The following MYRIP variants were observed in gnomAD, a reference collection of about 807,000 sequenced individuals.
MYRIP encodes rab effector MyRIP.
In MYRIP, 49 loss-of-function variants were observed where a neutral mutation model predicts 98.0. The observed-to-expected ratio is 0.50, with a 90% CI of 0.40 to 0.63. MYRIP has a LOEUF of 0.63. Among genes scored for constraint, MYRIP ranks in the 30% least tolerant of loss-of-function variants. The pLI, the probability that MYRIP is intolerant of heterozygous loss-of-function variation, is 0.00. For synonymous variants in MYRIP, 404 were observed against 409.5 expected, an observed-to-expected ratio of 0.99 and a Z score of 0.16; for missense variants, 1,004 against 1,058.2, an observed-to-expected ratio of 0.95 and a Z score of 0.71.
intron 1 of MYRIP, among the ~76,000 whole-genome samples, chr3:39,850,302 C>T (rs925767980): frequency 1.3e-5 from 2 of 152,216 alleles, no homozygotes; most frequent in African/African-American, 2.4e-5. Context: ...CCCATTCTCC[C>T]GGTAGCCATT....
chr3:39,949,052 G>A (rs1407314489), intron 2 of MYRIP, among the ~76,000 whole-genome samples: 1 of 152,142 alleles, frequency 6.6e-6, no homozygotes, highest in Non-Finnish European at 1.5e-5. Flanking sequence ...GATCATGAAG[G>A]AAGCATGTCA....
At chr3:40,014,261 T>C (rs1946816751) in intron 2 of MYRIP, among the ~76,000 whole-genome samples, 1 of 152,242 alleles carries the variant, frequency 6.6e-6, no homozygotes, top group South Asian at 2.1e-4. Context: ...TCCTTTGGTA[T>C]AATTTATTTG....
intron 3 of MYRIP, among the ~76,000 whole-genome samples, chr3:40,061,671 C>T (rs975560637): frequency 2.0e-5 from 3 of 152,198 alleles, no homozygotes; most frequent in African/African-American, 4.8e-5. Flanking sequence ...CTGCTTTCCA[C>T]GATGACTGAA....
chr3:40,064,557 G>A lies in MYRIP; in HGVS notation c.332+20286G>A, dbSNP rs541530974. On this transcript the variant is annotated intron_variant, in intron 3 of 16. Transcript: ENST00000302541. ...TCCAGGGGGTAATTAGGGGGAAAATGTCTGAAAAGGCAACAATGTAAAACA... is the reference window on the plus strand; with the variant it reads ...TCCAGGGGGTAATTAGGGGGAAAATATCTGAAAAGGCAACAATGTAAAACA... 2.0e-5 allele frequency among the ~76,000 whole-genome samples: 3 copies of A among 152,312 alleles called. No homozygotes were observed. In the South Asian group the frequency reaches 6.2e-4, roughly 32 times the overall value.
intron 12 of MYRIP, 73 bp downstream of exon 12, chr3:40,234,126 C>T: frequency 1.4e-6 from 2 of 1,456,128 alleles, no homozygotes; most frequent in Non-Finnish European, 9.2e-7. Flanking sequence ...TGTAGCTTAT[C>T]GTGAAGAGTG....
chr3:40,151,059 C>T lies in MYRIP; in HGVS notation c.344C>T (p.Ala115Val), dbSNP rs759373269. The change falls in exon 4 of 17, where the codon GCC (alanine) becomes GTC (valine). Residue 115 changes from alanine to valine, a missense_variant. Physicochemically the swap from Ala to Val is moderately conservative, Grantham distance 64 (BLOSUM62 0). This residue lies in a region of MYRIP where 880 missense variants were observed against 907.7 expected (regional missense o/e 0.97). Transcript: ENST00000302541. ...CVCQQARLLR[A>V]QSLEWFYNNV... The stretch of plus-strand genomic sequence containing the variant: ...TCTGTTTTCCTCAGGCTTCTGAGGG[C>T]CCAATCTCTGGAATGGTTCTACAAT... 7.5e-6 allele frequency: 12 copies of T among 1,589,516 alleles called. No homozygotes were observed. Among genetic ancestry groups the T allele is most frequent in the Non-Finnish European group, 9.4e-6 (11 of 1,166,428 alleles).
chr3:40,218,612 TTATA>T lies in MYRIP; in HGVS notation c.1905+8560_1905+8563del, dbSNP rs751894190. Among the ~76,000 whole-genome samples the T allele has an allele frequency of 5.8e-3, 79 of 13,552 alleles. 1 individual carries two copies. The highest frequency in any genetic ancestry group is 0.026 in the East Asian group (5 of 190). 8.9% of individuals were successfully genotyped at this position (13,552 alleles called of 152,430 possible). ...ACACACACACACATATATATATATT[TTATA>T]TATATATATATATATATATATATAT... On this transcript the variant is annotated intron_variant, in intron 11 of 16. Coordinates refer to ENST00000302541, the MANE Select transcript of MYRIP (RefSeq NM_015460.4).
chr3:40,159,380 G>A (rs1950324308), intron 4 of MYRIP, among the ~76,000 whole-genome samples: 1 of 152,192 alleles, frequency 6.6e-6, no homozygotes, highest in Non-Finnish European at 1.5e-5. Flanking sequence ...AGTCTGATGG[G>A]CTTCCCTTTG....
Position 40,233,914 on chromosome 3 carries a change from A to C in MYRIP, c.1961A>C (p.Asn654Thr). ...NISTEVLKVINATEELIAGST... is the reference protein window; with the variant it reads ...NISTEVLKVITATEELIAGST... The stretch of plus-strand genomic sequence containing the variant: ...TCCACAGAAGTCCTGAAAGTCATCA[A>C]TGCCACAGAGGAGTTGATAGCAGGA... The change falls in exon 12 of 17, where the codon AAT becomes ACT. Residue 654 changes from asparagine to threonine, a missense_variant. Physicochemically the swap from Asn to Thr is moderately conservative, Grantham distance 65. Coordinates refer to ENST00000302541, the MANE Select transcript of MYRIP (RefSeq NM_015460.4). The C allele has an allele frequency of 6.2e-7, 1 of 1,613,528 alleles. No homozygotes were observed. Among genetic ancestry groups the C allele is most frequent in the Non-Finnish European group, 8.5e-7 (1 of 1,179,830 alleles).
intron 12 of MYRIP, among the ~76,000 whole-genome samples, chr3:40,240,313 T>C (rs188089021): frequency 6.6e-6 from 1 of 152,336 alleles, no homozygotes; most frequent in African/African-American, 2.4e-5. Flanking sequence ...TACTGTAGCC[T>C]TGGGTCTACA....
intron 3 of MYRIP, among the ~76,000 whole-genome samples, chr3:40,060,602 A>AGATT (rs1273800930): frequency 1.3e-5 from 2 of 151,004 alleles, no homozygotes; most frequent in African/African-American, 4.9e-5. Flanking sequence ...TTTTTGAGAG[A>AGATT]GAGAGAGAGA....
At chr3:40,043,974 A>C in intron 2 of MYRIP, 76 bp from the exon 3 acceptor site, 2 of 1,395,440 alleles carry the variant, frequency 1.4e-6, no homozygotes, top group Non-Finnish European at 9.9e-7. Context: ...GACAGGGTGC[A>C]TGCTTTGGGG....
chr3:39,838,022 T>C (rs1166684088), intron 1 of MYRIP, among the ~76,000 whole-genome samples: 1 of 152,136 alleles, frequency 6.6e-6, no homozygotes, highest in African/African-American at 2.4e-5. Flanking sequence ...CTGTCTACTA[T>C]TGGTGTATAG....
chr3:40,157,859 T>C (rs1950280122), intron 4 of MYRIP, among the ~76,000 whole-genome samples: 1 of 151,940 alleles, frequency 6.6e-6, no homozygotes, highest in African/African-American at 2.4e-5. Context: ...TATCATTTTT[T>C]ATTGCGTCTA....
At chr3:40,020,740 G>A (rs376113881) in intron 2 of MYRIP, among the ~76,000 whole-genome samples, 3 of 152,128 alleles carry the variant, frequency 2.0e-5, no homozygotes, top group South Asian at 4.2e-4. Flanking sequence ...ACTTTTCTTG[G>A]CCCCCCTGAT....
chr3:39,877,024 G>A (rs1943017589), intron 1 of MYRIP, among the ~76,000 whole-genome samples: 1 of 152,092 alleles, frequency 6.6e-6, no homozygotes, highest in Admixed American at 6.5e-5. Flanking sequence ...CATATTTCTT[G>A]GAGGCTTTGC....
chr3:40,221,411 G>A (rs532828261), intron 11 of MYRIP, among the ~76,000 whole-genome samples: 6 of 152,256 alleles, frequency 3.9e-5, no homozygotes, highest in South Asian at 2.1e-4. Flanking sequence ...CAAGCATATC[G>A]CTTGGGCCCA....
chr3:39,839,570 A>C (rs1287046950), intron 1 of MYRIP, among the ~76,000 whole-genome samples: 1 of 151,944 alleles, frequency 6.6e-6, no homozygotes, highest in Non-Finnish European at 1.5e-5. Flanking sequence ...TAGTTCTTTT[A>C]ATTGTGATGT....
Position 39,887,192 on chromosome 3 carries a change from G to A in MYRIP, c.-30-13595G>A, listed in dbSNP as rs1275762345. On this transcript the variant is annotated intron_variant, in intron 1 of 16. Transcript: ENST00000302541. Reference sequence around the variant, plus strand: ...ATCTCTGGGACGCATTCAAAGCAGGGTGTAGAGGGAAATTTGTAGCACTAA... The same window carrying A: ...ATCTCTGGGACGCATTCAAAGCAGGATGTAGAGGGAAATTTGTAGCACTAA... 1.6e-4 allele frequency among the ~76,000 whole-genome samples: 24 copies of A among 152,080 alleles called. 1 individual carries two copies. In the East Asian group the frequency reaches 3.1e-3, roughly 20 times the overall value.
Sources: allele counts gnomAD v4.1 joint callset (sites outside exome capture counted in the v4.1 genomes callset), GRCh38; gene constraint gnomAD v4.1.1; regional missense constraint gnomAD v4.1.1; transcripts MANE v1.5; gene names NCBI Gene and HGNC (gene_info 2026-07-23, HGNC 2026-07-21).